The following TYW1B variants were observed in gnomAD, a reference collection of about 807,000 sequenced individuals.
The protein encoded by TYW1B is tRNA-yW synthesizing protein 1 homolog B.
In TYW1B, 73 loss-of-function variants were observed where a neutral mutation model predicts 86.9. The ratio of observed to expected loss-of-function variants is 0.84; its 90% CI spans 0.70 to 1.02. TYW1B has a LOEUF of 1.02. Among genes scored for constraint, TYW1B ranks in the 50% least tolerant of loss-of-function variants. TYW1B has a pLI of 0.00. For missense variants in TYW1B, 637 were observed against 827.4 expected (o/e 0.77, Z 2.82); for synonymous variants, 248 against 292.8 (o/e 0.85, Z 1.56).
chr7:72,614,431 G>A (rs781952655), intron 13 of TYW1B, among the ~76,000 whole-genome samples: 7 of 152,252 alleles, frequency 4.6e-5, no homozygotes, highest in Admixed American at 6.5e-5. Context: ...TCAGGAGGTC[G>A]AAACCAGCCT....
intron 9 of TYW1B, chr7:72,722,877 T>C (rs1786929731): frequency 3.0e-6 from 2 of 657,030 alleles, no homozygotes; most frequent in South Asian, 1.6e-5. Flanking sequence ...AAATAATTAA[T>C]GAGCATTCCT....
intron 7 of TYW1B, among the ~76,000 whole-genome samples, chr7:72,749,966 T>C (rs1433955515): frequency 1.9e-5 from 2 of 107,546 alleles, no homozygotes; most frequent in Non-Finnish European, 3.8e-5. Flanking sequence ...CATAGCTCAC[T>C]GTAGCCTCAA....
intron 11 of TYW1B, among the ~76,000 whole-genome samples, chr7:72,656,490 C>T (rs1373488640): frequency 6.6e-6 from 1 of 152,052 alleles, no homozygotes; most frequent in Non-Finnish European, 1.5e-5. Context: ...TGCCTATAAT[C>T]CCAGCACTTT....
intron 12 of TYW1B, among the ~76,000 whole-genome samples, chr7:72,623,826 G>C (rs782356496): frequency 6.6e-6 from 1 of 151,974 alleles, no homozygotes; most frequent in Non-Finnish European, 1.5e-5. Context: ...TTTTGAGATA[G>C]AGTCTTGCTC....
chr7:72,792,320 C>A (rs1788234420), intron 6 of TYW1B, among the ~76,000 whole-genome samples: 1 of 150,740 alleles, frequency 6.6e-6, no homozygotes, highest in African/African-American at 2.4e-5. Context: ...GAGCAAGACT[C>A]CATCTCAAAA....
At chr7:72,713,867 G>A (rs577278290) in intron 9 of TYW1B, 69 bp from the exon 10 acceptor site, 1 of 1,473,292 alleles carries the variant, frequency 6.8e-7, no homozygotes, top group African/African-American at 1.4e-5. Flanking sequence ...TTTTCTTAAT[G>A]ATGCTTTGAT....
chr7:72,787,482 C>T (rs559431019), intron 6 of TYW1B, among the ~76,000 whole-genome samples: 1 of 147,296 alleles, frequency 6.8e-6, no homozygotes, highest in Non-Finnish European at 1.5e-5. Flanking sequence ...ATAGGCGAGG[C>T]ATGGTGGCTC....
At chr7:72,681,972 G>C (rs1813885379) in intron 11 of TYW1B, among the ~76,000 whole-genome samples, 1 of 151,626 alleles carries the variant, frequency 6.6e-6, no homozygotes, top group Non-Finnish European at 1.5e-5. Flanking sequence ...CCGCCTCCCG[G>C]GTTCAGGTGA....
chr7:72,656,285 A>G (rs1314458265), intron 11 of TYW1B, among the ~76,000 whole-genome samples: 4 of 152,220 alleles, frequency 2.6e-5, no homozygotes, highest in Non-Finnish European at 5.9e-5. Flanking sequence ...AACCAACAGT[A>G]TAAATACATC....
At chr7:72,733,822 A>G (rs1554460396) in intron 8 of TYW1B, among the ~76,000 whole-genome samples, 16 of 152,216 alleles carry the variant, frequency 1.1e-4, no homozygotes. Context: ...GATTTGATGC[A>G]ATCCCTATCA....
At chr7:72,767,376 A>G (rs34704464) in intron 7 of TYW1B, among the ~76,000 whole-genome samples, 103,881 of 151,526 alleles carry the variant, frequency 0.69, 36,520 homozygotes, top group Non-Finnish European at 0.77. Flanking sequence ...GGAGACCAAG[A>G]TAGGTGGATC....
At chr7:72,690,238 TTGCTG>T (rs1814113017) in intron 11 of TYW1B, among the ~76,000 whole-genome samples, 1 of 152,250 alleles carries the variant, frequency 6.6e-6, no homozygotes, top group Non-Finnish European at 1.5e-5. Context: ...TCTGGTCACA[TTGCTG>T]ATAAAAGTTT....
chr7:72,618,227 AT>A lies in TYW1B; in HGVS notation c.1618-1389del, dbSNP rs869158136. ...ATTGGAGAATGCAGAATGACACTGA[AT>A]TTTTTTTTTTTTTTTTTTTTTTTTG... On this transcript the variant is annotated intron_variant, in intron 12 of 13. Coordinates refer to ENST00000620995, the MANE Select transcript of TYW1B (RefSeq NM_001145440.3). 9.0e-4 allele frequency among the ~76,000 whole-genome samples: 94 copies of A among 103,936 alleles called. 1 individual carries two copies. Among genetic ancestry groups the A allele is most frequent in the East Asian group, 2.6e-3 (8 of 3,076 alleles). The allele number at this position is 103,936 out of a possible 152,430, so 68.2% of individuals were successfully genotyped here.
At chr7:72,810,800 T>C in intron 3 of TYW1B, 135 bp from the exon 4 acceptor site, 4 of 1,260,036 alleles carry the variant, frequency 3.2e-6, no homozygotes, top group Non-Finnish European at 4.3e-6. Flanking sequence ...TTTTCGAAAG[T>C]GAAGGGCCTG....
Position 72,601,428 on chromosome 7 carries a change from A to C in TYW1B, c.1785+15244T>G, listed in dbSNP as rs563206621. 4.6e-5 allele frequency among the ~76,000 whole-genome samples: 7 copies of C among 152,264 alleles called. No homozygotes were observed. In the South Asian group the frequency reaches 1.2e-3, roughly 27 times the overall value. On this transcript the variant is annotated intron_variant, in intron 13 of 13. Coordinates refer to ENST00000620995, the MANE Select transcript of TYW1B (RefSeq NM_001145440.3). ...GAACAGCCATTCATCAATGGTGGGA[A>C]TGCAAAATGGCACAGCTACTTTGGA...
rs182813015 is a variant in TYW1B, at chr7:72,782,073, G to A, written c.847-4540C>T. Among the ~76,000 whole-genome samples the A allele has an allele frequency of 3.2e-4, 48 of 152,196 alleles. 1 individual carries two copies. The highest frequency in any genetic ancestry group is 2.5e-3 in the Admixed American group (38 of 15,278). ...CCAAGGCAGGAAGACTGGTTGAGCC[G>A]AGGAGTTGGAAACCAGCCTGGGCAA... On this transcript the variant is annotated intron_variant, in intron 6 of 13. Transcript: ENST00000620995.
intron 13 of TYW1B, among the ~76,000 whole-genome samples, chr7:72,599,862 T>A (rs1183787905): frequency 1.3e-5 from 2 of 151,998 alleles, no homozygotes; most frequent in African/African-American, 2.4e-5. Context: ...CAAAGTCTGA[T>A]TAAAAAAAAA....
At chr7:72,625,014 G>C (rs550835241) in intron 12 of TYW1B, among the ~76,000 whole-genome samples, 1 of 151,082 alleles carries the variant, frequency 6.6e-6, no homozygotes, top group Non-Finnish European at 1.5e-5. Context: ...AACCGAGATT[G>C]TGCCAGTGCG....
rs183162765 is a variant in TYW1B, at chr7:72,808,163, T to C, written c.433-807A>G. Among the ~76,000 whole-genome samples the C allele has an allele frequency of 2.6e-3, 390 of 151,826 alleles. 1 individual carries two copies. Among genetic ancestry groups the C allele is most frequent in the African/African-American group, 6.7e-3 (277 of 41,406 alleles). ...TCATAGTCTAATTTATTTGAAAATA[T>C]GGGGAGAGGCCAGATGCAGTGGCTC... On this transcript the variant is annotated intron_variant, in intron 4 of 13. Transcript: ENST00000620995.
Sources: allele counts gnomAD v4.1 joint callset (sites outside exome capture counted in the v4.1 genomes callset), GRCh38; gene constraint gnomAD v4.1.1; transcripts MANE v1.5; gene names NCBI Gene and HGNC (gene_info 2026-07-23, HGNC 2026-07-21).